The following GPHN variants were observed in gnomAD, a reference collection of about 807,000 sequenced individuals.
GPHN encodes gephyrin.
A neutral mutation model predicts 95.5 loss-of-function variants in GPHN; 17 were observed. That is an observed-to-expected ratio of 0.18 (90% CI 0.12 to 0.27). The LOEUF (loss-of-function observed/expected upper bound fraction) is 0.27. Among genes scored for constraint, GPHN ranks in the 10% least tolerant of loss-of-function variants. The pLI, the probability that GPHN is intolerant of heterozygous loss-of-function variation, is 1.00. For missense variants in GPHN, 660 were observed against 978.1 expected, an observed-to-expected ratio of 0.67 and a Z score of 4.34; for synonymous variants, 320 against 322.5, an observed-to-expected ratio of 0.99 and a Z score of 0.08.
chr14:67,171,807 C>A (rs1216579701), intron 21 of GPHN, among the ~76,000 whole-genome samples: 1 of 152,108 alleles, frequency 6.6e-6, no homozygotes, highest in African/African-American at 2.4e-5. Context: ...AAGGAAACAC[C>A]AGGCCTCCAC....
chr14:67,132,864 T>A (rs1488232562), intron 17 of GPHN, among the ~76,000 whole-genome samples: 1 of 150,976 alleles, frequency 6.6e-6, no homozygotes, highest in Non-Finnish European at 1.5e-5. Context: ...TATATATAAA[T>A]ATATGATATA....
At chr14:66,779,935 G>GGCACATCTTCCT (rs1464882756) in intron 3 of GPHN, among the ~76,000 whole-genome samples, 1 of 152,114 alleles carries the variant, frequency 6.6e-6, no homozygotes, top group Non-Finnish European at 1.5e-5. Flanking sequence ...GATGGAAGGA[G>GGCACATCTTCCT]ACCAGGTTGC....
At chr14:67,719,097 G>T in the GPHN span, among the ~76,000 whole-genome samples, 1 of 152,220 alleles carries the variant, frequency 6.6e-6, no homozygotes, top group African/African-American at 2.4e-5. Context: ...AAGGAAGGGG[G>T]ACTCCTCATA....
the GPHN span, chr14:67,228,302 T>C: frequency 2.6e-6 from 1 of 391,548 alleles, no homozygotes; most frequent in African/African-American, 2.2e-5. Context: ...ATAATTTTGT[T>C]TGTTTCAATC....
At chr14:67,206,002 G>A in the GPHN span, among the ~76,000 whole-genome samples, 1 of 152,050 alleles carries the variant, frequency 6.6e-6, no homozygotes, top group Non-Finnish European at 1.5e-5. Context: ...TGGGAAACAT[G>A]GCGAAACCCC....
intron 9 of GPHN, among the ~76,000 whole-genome samples, chr14:66,971,935 G>A (rs1350585491): frequency 6.6e-6 from 1 of 152,100 alleles, no homozygotes; most frequent in Non-Finnish European, 1.5e-5. Flanking sequence ...AGCTCATAGT[G>A]GCACATAGAC....
At chr14:67,332,820 T>C in the GPHN span, 1 of 1,613,498 alleles carries the variant, frequency 6.2e-7, no homozygotes, top group Non-Finnish European at 8.5e-7. Flanking sequence ...ACAAGAGAGA[T>C]GGAGCAGAAC....
the GPHN span, chr14:67,588,499 C>A: frequency 2.0e-5 from 3 of 152,098 alleles, no homozygotes; most frequent in Admixed American, 2.0e-4. Flanking sequence ...AAAAAAGTTT[C>A]TTTCATCTTT....
intron 1 of GPHN, among the ~76,000 whole-genome samples, chr14:66,603,513 G>A (rs2062360551): frequency 6.6e-6 from 1 of 151,902 alleles, no homozygotes; most frequent in African/African-American, 2.4e-5. Flanking sequence ...ATCTTCAGCA[G>A]TAGGACATTA....
chr14:66,643,406 T>C (rs959882037), intron 1 of GPHN, among the ~76,000 whole-genome samples: 19 of 152,140 alleles, frequency 1.2e-4, no homozygotes, highest in Non-Finnish European at 1.5e-5. Flanking sequence ...AAGGAAAGTT[T>C]GCTTAAGTTT....
chr14:66,945,312 T>G (rs1370955188), intron 8 of GPHN, among the ~76,000 whole-genome samples: 1 of 152,110 alleles, frequency 6.6e-6, no homozygotes, highest in African/African-American at 2.4e-5. Context: ...CCACTGCAAA[T>G]GGTGCGAACT....
intron 4 of GPHN, among the ~76,000 whole-genome samples, chr14:66,862,061 G>C (rs948659974): frequency 4.0e-5 from 6 of 151,528 alleles, no homozygotes; most frequent in African/African-American, 1.5e-4. Context: ...CTTGTTTTTT[G>C]GAAAGTTAAG....
At chr14:66,931,276 C>T (rs1299699919) in intron 8 of GPHN, among the ~76,000 whole-genome samples, 1 of 151,860 alleles carries the variant, frequency 6.6e-6, no homozygotes, top group East Asian at 1.9e-4. Flanking sequence ...TTTTAGGATC[C>T]TTTCTTTATC....
chr14:67,364,034 G>T, the GPHN span: 1 of 152,140 alleles, frequency 6.6e-6, no homozygotes. Flanking sequence ...AATGCTTGGA[G>T]GTTAAGAGAA....
intron 8 of GPHN, among the ~76,000 whole-genome samples, chr14:66,934,582 T>G (rs1950281): frequency 0.31 from 47,605 of 152,120 alleles, 11,558 homozygotes; most frequent in African/African-American, 0.66. Context: ...TCATCTCTTA[T>G]ATTTTAATTT....
intron 3 of GPHN, among the ~76,000 whole-genome samples, chr14:66,790,822 A>G (rs1401260243): frequency 1.3e-5 from 2 of 152,228 alleles, no homozygotes; most frequent in African/African-American, 4.8e-5. Context: ...TTTCTTTTCC[A>G]CAAGACCCAT....
chr14:67,044,345 A>C (rs1325623414), intron 10 of GPHN, among the ~76,000 whole-genome samples: 5 of 152,166 alleles, frequency 3.3e-5, no homozygotes, highest in African/African-American at 1.2e-4. Context: ...CTCAAAAAAA[A>C]ACAAAAAATA....
chr14:67,064,209 G>A (rs907498595), intron 11 of GPHN, among the ~76,000 whole-genome samples: 1 of 152,094 alleles, frequency 6.6e-6, no homozygotes, highest in Non-Finnish European at 1.5e-5. Flanking sequence ...TTTTGTCATT[G>A]GTTTGGTTTA....
intron 3 of GPHN, among the ~76,000 whole-genome samples, chr14:66,802,754 C>A (rs769096472): frequency 4.6e-5 from 7 of 152,272 alleles, no homozygotes; most frequent in Non-Finnish European, 8.8e-5. Context: ...TGTCCAGGAG[C>A]TAGGGCCTAG....
Sources: allele counts gnomAD v4.1 joint callset (sites outside exome capture counted in the v4.1 genomes callset), GRCh38; gene constraint gnomAD v4.1.1; transcripts MANE v1.5; gene names NCBI Gene and HGNC (gene_info 2026-07-23, HGNC 2026-07-21).